Variants in ANKS1B observed in about 807,000 individuals in gnomAD.
The protein encoded by ANKS1B is ankyrin repeat and sterile alpha motif domain containing 1B.
In ANKS1B, 36 loss-of-function variants were observed where a neutral mutation model predicts 148.3. The ratio of observed to expected loss-of-function variants is 0.24; its 90% CI spans 0.19 to 0.32. The LOEUF (loss-of-function observed/expected upper bound fraction) is 0.32. Ranked by LOEUF, ANKS1B falls within the 10% of genes least tolerant of loss-of-function variation. The pLI, the probability that ANKS1B is intolerant of heterozygous loss-of-function variation, is 1.00. For missense variants in ANKS1B, 1,157 were observed against 1,542.6 expected (o/e 0.75, Z 4.19); for synonymous variants, 542 against 560.8 (o/e 0.97, Z 0.47).
At chr12:99,087,569 C>T (rs77632110) in intron 15 of ANKS1B, among the ~76,000 whole-genome samples, 93 of 152,232 alleles carry the variant, frequency 6.1e-4, no homozygotes, top group African/African-American at 1.7e-3. Flanking sequence ...TTAGAGAAAG[C>T]GTTATTATTT....
chr12:99,157,357 C>T (rs759609817), intron 14 of ANKS1B, among the ~76,000 whole-genome samples: 6 of 152,152 alleles, frequency 3.9e-5, no homozygotes, highest in South Asian at 2.1e-4. Context: ...TGAGCAAACA[C>T]GACAATGACA....
rs59365416 is a variant in ANKS1B at position 99,042,421 on chromosome 12, G to A, written c.2778+10736C>T. Among the ~76,000 whole-genome samples the A allele has an allele frequency of 4.2e-3, 643 of 152,312 alleles. 24 individuals carry two copies. The East Asian group carries it at 0.087, about 21-fold the overall frequency. ...GTCAGTCAACTCTCATATGCCAGAA[G>A]ACTAGAGCCAACTGCCAGATGTGAG... is the stretch of plus-strand genomic sequence containing the variant. On this transcript the variant is annotated intron_variant, in intron 17 of 26. Coordinates refer to ENST00000683438, the MANE Select transcript of ANKS1B (RefSeq NM_001352186.2).
chr12:99,546,368 T>C (rs1173556725), intron 9 of ANKS1B, among the ~76,000 whole-genome samples: 1 of 152,142 alleles, frequency 6.6e-6, no homozygotes, highest in Non-Finnish European at 1.5e-5. Context: ...ACATTTTCCA[T>C]AAAAATTATG....
intron 17 of ANKS1B, chr12:98,894,722 C>T: frequency 1.0e-6 from 1 of 985,594 alleles, no homozygotes; most frequent in Non-Finnish European, 1.2e-6. Context: ...AACCTCCGCT[C>T]CCCTAGCCGT....
chr12:99,685,337 A>G (rs1433821752), intron 8 of ANKS1B, among the ~76,000 whole-genome samples: 1 of 152,208 alleles, frequency 6.6e-6, no homozygotes, highest in Non-Finnish European at 1.5e-5. Flanking sequence ...AAAATGCTCA[A>G]CATCACTAAT....
chr12:99,784,538 T>C (rs898883914), intron 4 of ANKS1B, among the ~76,000 whole-genome samples: 3 of 152,154 alleles, frequency 2.0e-5, no homozygotes, highest in Admixed American at 1.3e-4. Flanking sequence ...CTGGTCTCTC[T>C]GCCTGGCAGG....
At chr12:99,798,296 T>C (rs2066488439) in intron 4 of ANKS1B, among the ~76,000 whole-genome samples, 1 of 151,698 alleles carries the variant, frequency 6.6e-6, no homozygotes, top group South Asian at 2.1e-4. Flanking sequence ...ACAACTATTG[T>C]AACAACTGGT....
intron 19 of ANKS1B, among the ~76,000 whole-genome samples, chr12:98,820,958 T>C (rs2099184417): frequency 1.3e-5 from 2 of 152,210 alleles, no homozygotes; most frequent in African/African-American, 4.8e-5. Context: ...AGAAGAAAAC[T>C]AGAAGTTATC....
intron 17 of ANKS1B, among the ~76,000 whole-genome samples, chr12:98,867,940 A>G (rs1414937556): frequency 2.6e-5 from 4 of 152,118 alleles, no homozygotes; most frequent in Admixed American, 1.3e-4. Flanking sequence ...TGGGAGGTAA[A>G]GCATTCTCTG....
At chr12:98,782,053 C>T in intron 23 of ANKS1B, 73 bp downstream of exon 23, 1 of 1,265,348 alleles carries the variant, frequency 7.9e-7, no homozygotes. Flanking sequence ...TCACCAGTCA[C>T]CAGCAGTCAG....
intron 1 of ANKS1B, among the ~76,000 whole-genome samples, chr12:99,828,427 A>G (rs2083475359): frequency 6.6e-6 from 1 of 152,172 alleles, no homozygotes; most frequent in Non-Finnish European, 1.5e-5. Flanking sequence ...CTATGAACTC[A>G]GAGCTTCCCA....
intron 8 of ANKS1B, among the ~76,000 whole-genome samples, chr12:99,741,748 T>C (rs10860502): frequency 0.44 from 66,233 of 151,110 alleles, 14,886 homozygotes; most frequent in South Asian, 0.61. Flanking sequence ...CCTGTCGAGG[T>C]GGGGGGCAAG....
intron 8 of ANKS1B, among the ~76,000 whole-genome samples, chr12:99,657,223 G>A (rs2098453808): frequency 2.0e-5 from 3 of 152,064 alleles, no homozygotes. Flanking sequence ...GGGACAGAGA[G>A]GCCAAGTAAA....
chr12:99,089,862 G>A (rs1010195189), intron 15 of ANKS1B, among the ~76,000 whole-genome samples: 9 of 152,104 alleles, frequency 5.9e-5, no homozygotes. Context: ...CACTGCATAA[G>A]GTGTTTAAAT....
chr12:99,560,315 CAATA>C (rs969772860), intron 9 of ANKS1B, among the ~76,000 whole-genome samples: 8 of 151,992 alleles, frequency 5.3e-5, no homozygotes, highest in African/African-American at 1.9e-4. Context: ...CACGTTACCT[CAATA>C]GATATGTTGT....
intron 11 of ANKS1B, among the ~76,000 whole-genome samples, chr12:99,412,384 T>C (rs1044602220): frequency 2.6e-5 from 4 of 152,190 alleles, no homozygotes; most frequent in Non-Finnish European, 5.9e-5. Flanking sequence ...ACAAAGCTGA[T>C]TGCTCCACAT....
chr12:99,138,773 C>T (rs557288490), intron 15 of ANKS1B, among the ~76,000 whole-genome samples: 9 of 152,250 alleles, frequency 5.9e-5, no homozygotes, highest in Admixed American at 3.9e-4. Flanking sequence ...TTGTTCCATT[C>T]ACTGTTATGT....
At chr12:99,121,752 C>T (rs1322453117) in intron 15 of ANKS1B, among the ~76,000 whole-genome samples, 1 of 152,160 alleles carries the variant, frequency 6.6e-6, no homozygotes, top group Non-Finnish European at 1.5e-5. Flanking sequence ...AAAGAATTAT[C>T]CTTTTGTTCC....
At chr12:98,833,171 C>G (rs2099336004) in intron 17 of ANKS1B, among the ~76,000 whole-genome samples, 1 of 152,088 alleles carries the variant, frequency 6.6e-6, no homozygotes, top group Non-Finnish European at 1.5e-5. Context: ...GGGCCACACC[C>G]CTTTCAATCT....
Sources: allele counts gnomAD v4.1 joint callset (sites outside exome capture counted in the v4.1 genomes callset), GRCh38; gene constraint gnomAD v4.1.1; transcripts MANE v1.5; gene names NCBI Gene and HGNC (gene_info 2026-07-23, HGNC 2026-07-21).